MSI2: variants seen among roughly 807,000 people sequenced by gnomAD.
The protein encoded by MSI2 is musashi RNA binding protein 2, also known as RNA-binding protein Musashi homolog 2.
A neutral mutation model predicts 45.6 loss-of-function variants in MSI2; 17 were observed. The ratio of observed to expected loss-of-function variants is 0.37; its 90% CI spans 0.26 to 0.56. The LOEUF (loss-of-function observed/expected upper bound fraction) is 0.56, where lower values mean the gene tolerates loss of function less well. Among genes scored for constraint, MSI2 ranks in the 20% least tolerant of loss-of-function variants. The pLI is 0.77. For missense variants in MSI2, 293 were observed against 444.2 expected (o/e 0.66, Z 3.06); for synonymous variants, 156 against 158.2 (o/e 0.99, Z 0.11).
At chr17:57,531,000 G>A (rs1202318621) in intron 7 of MSI2, among the ~76,000 whole-genome samples, 3 of 152,106 alleles carry the variant, frequency 2.0e-5, no homozygotes, top group South Asian at 2.1e-4. Flanking sequence ...CAGTGGAGAA[G>A]CAGGGAGAGA....
chr17:57,498,704 TG>T (rs1199943083), intron 6 of MSI2, among the ~76,000 whole-genome samples: 1 of 152,222 alleles, frequency 6.6e-6, no homozygotes, highest in African/African-American at 2.4e-5. Flanking sequence ...TTGGCTTTGT[TG>T]GGGGAAATCC....
At chr17:57,296,104 G>A (rs979818138) in intron 5 of MSI2, among the ~76,000 whole-genome samples, 2 of 137,370 alleles carry the variant, frequency 1.5e-5, no homozygotes, top group Non-Finnish European at 1.5e-5. Context: ...CTTAATGTTT[G>A]CATATAGATA....
chr17:57,387,156 G>C (rs2083700577), intron 5 of MSI2, among the ~76,000 whole-genome samples: 1 of 152,200 alleles, frequency 6.6e-6, no homozygotes, highest in Non-Finnish European at 1.5e-5. Flanking sequence ...GCGCATTGGG[G>C]AATATATCTT....
chr17:57,401,561 G>A, intron 6 of MSI2, 90 bp downstream of exon 6: 1 of 959,060 alleles, frequency 1.0e-6, no homozygotes, highest in Non-Finnish European at 1.7e-6. Context: ...CCCTGCTACA[G>A]CTGTGTCCTC....
chr17:57,537,818 G>A (rs2086953708), intron 7 of MSI2, among the ~76,000 whole-genome samples: 1 of 152,202 alleles, frequency 6.6e-6, no homozygotes, highest in Non-Finnish European at 1.5e-5. Context: ...GGTGCCCGGG[G>A]CAAGAGGGAG....
intron 6 of MSI2, among the ~76,000 whole-genome samples, chr17:57,459,857 G>A (rs936049838): frequency 2.0e-5 from 3 of 151,872 alleles, no homozygotes; most frequent in African/African-American, 4.8e-5. Flanking sequence ...AGCCGGGCAC[G>A]GTGGCTCACA....
intron 7 of MSI2, among the ~76,000 whole-genome samples, chr17:57,544,791 T>A (rs2087126751): frequency 6.6e-6 from 1 of 152,184 alleles, no homozygotes; most frequent in Non-Finnish European, 1.5e-5. Flanking sequence ...AGCTTGGAAA[T>A]CTGAAGGGTG....
chr17:57,583,693 C>T (rs1483582901), intron 7 of MSI2, among the ~76,000 whole-genome samples: 1 of 152,112 alleles, frequency 6.6e-6, no homozygotes, highest in Non-Finnish European at 1.5e-5. Flanking sequence ...AGGCTGGTCT[C>T]AAACTTCTGA....
chr17:57,328,324 T>TCCAC (rs1555579734), intron 5 of MSI2, among the ~76,000 whole-genome samples: 1 of 151,508 alleles, frequency 6.6e-6, no homozygotes, highest in African/African-American at 2.4e-5. Flanking sequence ...TATCCATCCA[T>TCCAC]CCATCCATGC....
chr17:57,258,947 A>AT (rs34754540), intron 4 of MSI2, among the ~76,000 whole-genome samples: 60,973 of 151,074 alleles, frequency 0.4, 15,519 homozygotes, highest in African/African-American at 0.73. Context: ...TTTCAAAGTG[A>AT]TTTTTTTTTC....
At chr17:57,504,027 G>A (rs567033181) in intron 6 of MSI2, among the ~76,000 whole-genome samples, 1 of 152,262 alleles carries the variant, frequency 6.6e-6, no homozygotes, top group Admixed American at 6.5e-5. Flanking sequence ...GAGCCACCGC[G>A]CCCGGCCGGG....
intron 6 of MSI2, among the ~76,000 whole-genome samples, chr17:57,418,211 G>GT (rs2084331175): frequency 6.6e-6 from 1 of 152,220 alleles, no homozygotes; most frequent in Admixed American, 6.5e-5. Context: ...CCTGTGGGCC[G>GT]TAAGTTGCTA....
chr17:57,587,991 G>T (rs1310880434), intron 7 of MSI2, among the ~76,000 whole-genome samples: 1 of 152,140 alleles, frequency 6.6e-6, no homozygotes, highest in East Asian at 1.9e-4. Flanking sequence ...GGAAGCAGGT[G>T]CATGAAGGAT....
intron 5 of MSI2, among the ~76,000 whole-genome samples, chr17:57,342,094 A>G (rs896149548): frequency 1.3e-5 from 2 of 152,210 alleles, no homozygotes; most frequent in African/African-American, 2.4e-5. Context: ...TATTGCATCT[A>G]CTGCCTTTGT....
chr17:57,419,529 ATTT>A (rs36114353), intron 6 of MSI2, among the ~76,000 whole-genome samples: 101,892 of 145,580 alleles, frequency 0.7, 35,909 homozygotes, highest in South Asian at 0.87. Context: ...TGCCTGGCTA[ATTT>A]TTTTTTTTTT....
At position 57,596,994 on chromosome 17, in the gene MSI2, C is replaced by A; in HGVS notation, c.537+44C>A. 7.3e-7 allele frequency: 1 copy of A among 1,371,156 alleles called. No individual in the cohort carries two copies. Among genetic ancestry groups the A allele is most frequent in the African/African-American group, 1.4e-5 (1 of 69,990 alleles). 84.9% of individuals were successfully genotyped at this position (1,371,156 alleles called of 1,614,324 possible). On this transcript the variant is annotated intron_variant, in intron 8 of 13. Coordinates refer to ENST00000284073, the MANE Select transcript of MSI2 (RefSeq NM_138962.4). The surrounding 1 kb of genome is among the most constrained non-coding windows in gnomAD (Gnocchi z 4.6). ...CGCTGAAATGGAATGCCCCCTTTCTCTACGTACACACCCAGTCTTGCAGAC... is the reference window on the plus strand; with the variant it reads ...CGCTGAAATGGAATGCCCCCTTTCTATACGTACACACCCAGTCTTGCAGAC...
intron 7 of MSI2, among the ~76,000 whole-genome samples, chr17:57,556,718 G>A (rs1312867902): frequency 1.3e-5 from 2 of 152,170 alleles, no homozygotes; most frequent in African/African-American, 2.4e-5. Flanking sequence ...GCACTATGAC[G>A]AGGGTCACAC....
intron 7 of MSI2, among the ~76,000 whole-genome samples, chr17:57,542,157 C>A (rs183442074): frequency 9.8e-5 from 15 of 152,294 alleles, no homozygotes; most frequent in Admixed American, 2.0e-4. Flanking sequence ...CCACTTGCCA[C>A]CCCGCTGCTG....
chr17:57,363,716 G>A (rs1345957733), intron 5 of MSI2, among the ~76,000 whole-genome samples: 1 of 151,988 alleles, frequency 6.6e-6, no homozygotes, highest in African/African-American at 2.4e-5. Flanking sequence ...TCCAGCCTGG[G>A]CAACAGAGTG....
Sources: gnomAD v4.1 joint callset for allele counts (sites outside exome capture counted in the v4.1 genomes callset) on GRCh38, gnomAD v4.1.1 for gene constraint, Gnocchi (gnomAD v3.1) non-coding constraint, MANE v1.5 for transcripts, NCBI Gene and HGNC (gene_info 2026-07-23, HGNC 2026-07-21) for gene names.